Variants in STXBP6 observed in about 807,000 individuals in gnomAD.
The protein encoded by STXBP6 is syntaxin-binding protein 6.
Under a neutral mutation model 26.9 loss-of-function variants are expected in STXBP6, and 21 were observed. The ratio of observed to expected loss-of-function variants is 0.78; its 90% CI spans 0.55 to 1.12. The LOEUF (loss-of-function observed/expected upper bound fraction) is 1.12. STXBP6 is among the 50% of genes most tolerant of loss of function. The probability of loss-of-function intolerance (pLI) is 0.00; values close to 1 mark genes in which losing one functional copy is unlikely to be tolerated. For missense variants in STXBP6, 232 were observed against 257.9 expected (o/e 0.90, Z 0.69); for synonymous variants, 97 against 92.6 (o/e 1.05, Z -0.27).
intron 4 of STXBP6, among the ~76,000 whole-genome samples, chr14:24,838,092 CA>C (rs1276832758): frequency 6.6e-6 from 1 of 152,132 alleles, no homozygotes; most frequent in Non-Finnish European, 1.5e-5. Context: ...GAGTGCAGTA[CA>C]CGATCTCAGT....
chr14:25,016,945 T>C (rs866134314), intron 1 of STXBP6, among the ~76,000 whole-genome samples: 1 of 152,076 alleles, frequency 6.6e-6, no homozygotes, highest in African/African-American at 2.4e-5. Flanking sequence ...TAGGAGAAAT[T>C]GGAGGTAAGT....
At chr14:24,992,532 C>T (rs1282733372) in intron 1 of STXBP6, among the ~76,000 whole-genome samples, 1 of 152,154 alleles carries the variant, frequency 6.6e-6, no homozygotes, top group Non-Finnish European at 1.5e-5. Flanking sequence ...TTAAGCTTTG[C>T]AGACCAGAGT....
In STXBP6 at chr14:24,823,697, G is replaced by T. The variant is rs528632455; in HGVS notation, c.452-4503C>A. Among the ~76,000 whole-genome samples the T allele has an allele frequency of 3.9e-4, 60 of 152,190 alleles. 2 individuals are homozygous for T. The highest frequency in any genetic ancestry group is 2.9e-3 in the South Asian group (14 of 4,822). ...AAAACAGAGATTTCTTAACAGTTTT[G>T]CTTGGACTACTTCTATTCCATAATC... On this transcript the variant is annotated intron_variant, in intron 4 of 5. Transcript: ENST00000323944.
intron 2 of STXBP6, among the ~76,000 whole-genome samples, chr14:24,889,575 TAAAAAAA>T (rs1264369429): frequency 6.8e-6 from 1 of 147,382 alleles, no homozygotes; most frequent in East Asian, 2.0e-4. Context: ...AATAATAAAA[TAAAAAAA>T]GAAAAAAAAA....
chr14:24,967,995 T>G (rs1251377384), intron 2 of STXBP6, among the ~76,000 whole-genome samples: 2 of 152,138 alleles, frequency 1.3e-5, no homozygotes, highest in Non-Finnish European at 2.9e-5. Flanking sequence ...TGACCTCTGA[T>G]GAACACTGGT....
In STXBP6 at chr14:24,906,810, G is replaced by T. The variant is rs547904600; in HGVS notation, c.155-49653C>A. ...TAGGAAAATATCAGGTCAAGGAGAT[G>T]AGTTGTCTACTTCACTATGCCCTCT... On this transcript the variant is annotated intron_variant, in intron 2 of 5. Coordinates refer to ENST00000323944, the MANE Select transcript of STXBP6 (RefSeq NM_001394410.1). Among the ~76,000 whole-genome samples, 3 of 152,244 alleles carry T rather than the reference G, an allele frequency of 2.0e-5. No individual in the cohort carries two copies. In the East Asian group the frequency reaches 5.8e-4, roughly 29 times the overall value.
intron 1 of STXBP6, among the ~76,000 whole-genome samples, chr14:25,028,113 G>C (rs2075381404): frequency 1.3e-5 from 2 of 152,342 alleles, no homozygotes; most frequent in Admixed American, 1.3e-4. Context: ...AGCAAGTTAT[G>C]CGGATGATCT....
At chr14:24,909,305 G>A (rs889193740) in intron 2 of STXBP6, among the ~76,000 whole-genome samples, 4 of 152,180 alleles carry the variant, frequency 2.6e-5, no homozygotes, top group African/African-American at 7.2e-5. Context: ...TGCGTGGAGC[G>A]CTTTCCAGTT....
intron 2 of STXBP6, among the ~76,000 whole-genome samples, chr14:24,964,769 C>G (rs954861691): frequency 6.6e-6 from 1 of 151,766 alleles, no homozygotes; most frequent in East Asian, 1.9e-4. Flanking sequence ...TTTGTATCAG[C>G]CTCTCCCACT....
At chr14:24,919,462 T>C (rs1360656615) in intron 2 of STXBP6, among the ~76,000 whole-genome samples, 1 of 151,608 alleles carries the variant, frequency 6.6e-6, no homozygotes. Flanking sequence ...AAATTTTAAG[T>C]TACCTTTACA....
chr14:24,815,824 G>C (rs1464887671), intron 5 of STXBP6: 1 of 152,112 alleles, frequency 6.6e-6, no homozygotes, highest in East Asian at 1.9e-4. Flanking sequence ...GCACTTTCCT[G>C]AGGTTAACTT....
chr14:24,913,730 A>C (rs2071658228), intron 2 of STXBP6, among the ~76,000 whole-genome samples: 1 of 152,238 alleles, frequency 6.6e-6, no homozygotes, highest in Non-Finnish European at 1.5e-5. Context: ...TAAAGACACT[A>C]ATTAAAAACA....
chr14:24,977,187 G>A (rs1468159215), intron 1 of STXBP6, among the ~76,000 whole-genome samples: 1 of 151,924 alleles, frequency 6.6e-6, no homozygotes, highest in Non-Finnish European at 1.5e-5. Context: ...TCGGACCAGT[G>A]CCTTCCCAGC....
At chr14:24,953,850 C>T (rs2073252815) in intron 2 of STXBP6, among the ~76,000 whole-genome samples, 1 of 152,194 alleles carries the variant, frequency 6.6e-6, no homozygotes. Flanking sequence ...CCAGCATCTT[C>T]TTCAAAATGG....
intron 2 of STXBP6, among the ~76,000 whole-genome samples, chr14:24,929,294 G>C (rs2072294362): frequency 6.6e-6 from 1 of 152,156 alleles, no homozygotes; most frequent in South Asian, 2.1e-4. Flanking sequence ...ACTTACCCTT[G>C]CATTTTCCAT....
intron 2 of STXBP6, among the ~76,000 whole-genome samples, chr14:24,912,793 T>C (rs2071621734): frequency 6.6e-6 from 1 of 152,314 alleles, no homozygotes; most frequent in Admixed American, 6.5e-5. Flanking sequence ...AGTAACTTCA[T>C]GTCAGTTGAA....
At chr14:24,830,761 G>T (rs1276037849) in intron 4 of STXBP6, among the ~76,000 whole-genome samples, 1 of 152,110 alleles carries the variant, frequency 6.6e-6, no homozygotes, top group African/African-American at 2.4e-5. Context: ...TGGATCATCT[G>T]TAGGGAGCAA....
chr14:24,933,688 T>C (rs17257591), intron 2 of STXBP6, among the ~76,000 whole-genome samples: 3,881 of 152,274 alleles, frequency 0.025, 85 homozygotes, highest in East Asian at 0.11. Context: ...CTTCATCACA[T>C]TGTGTTGTCT....
intron 1 of STXBP6, among the ~76,000 whole-genome samples, chr14:24,999,026 T>G (rs2140319969): frequency 6.6e-6 from 1 of 152,342 alleles, no homozygotes; most frequent in Non-Finnish European, 1.5e-5. Flanking sequence ...ACATACATTT[T>G]TATAATTAAT....
Sources: allele counts gnomAD v4.1 joint callset (sites outside exome capture counted in the v4.1 genomes callset), GRCh38; gene constraint gnomAD v4.1.1; transcripts MANE v1.5; gene names NCBI Gene and HGNC (gene_info 2026-07-23, HGNC 2026-07-21).